Variants in NTM observed in about 807,000 individuals in gnomAD.
NTM encodes IgLON family member 2.
Under a neutral mutation model 42.1 loss-of-function variants are expected in NTM, and 13 were observed. The observed-to-expected ratio is 0.31, with a 90% CI of 0.20 to 0.49. The LOEUF (loss-of-function observed/expected upper bound fraction) is 0.49. Among genes scored for constraint, NTM ranks in the 20% least tolerant of loss-of-function variants. The pLI is 0.99. For synonymous variants in NTM, 187 were observed against 179.2 expected, an observed-to-expected ratio of 1.04 and a Z score of -0.35; for missense variants, 373 against 452.8, an observed-to-expected ratio of 0.82 and a Z score of 1.60.
At chr11:132,313,714 C>T (rs897730235) in intron 6 of NTM, among the ~76,000 whole-genome samples, 2 of 152,108 alleles carry the variant, frequency 1.3e-5, no homozygotes, top group African/African-American at 2.4e-5. Context: ...TTCTCCTTAC[C>T]CTTTTATCTG....
At chr11:132,093,707 C>T (rs2060630802) in intron 2 of NTM, among the ~76,000 whole-genome samples, 1 of 152,202 alleles carries the variant, frequency 6.6e-6, no homozygotes. Flanking sequence ...GCACTGTTTA[C>T]TTGTCTATGT....
At chr11:131,720,349 A>C (rs982177777) in intron 1 of NTM, among the ~76,000 whole-genome samples, 1 of 152,184 alleles carries the variant, frequency 6.6e-6, no homozygotes, top group African/African-American at 2.4e-5. Flanking sequence ...TATGCTGCCT[A>C]GAGAATCTTT....
At chr11:131,571,265 C>T (rs76656691) in intron 1 of NTM, among the ~76,000 whole-genome samples, 4 of 152,110 alleles carry the variant, frequency 2.6e-5, no homozygotes, top group South Asian at 4.1e-4. Flanking sequence ...GTAGCTTGGC[C>T]GGAGCTGCTC....
At chr11:131,873,539 T>TGTGTATATATAC (rs2048027460) in intron 1 of NTM, among the ~76,000 whole-genome samples, 1 of 76,566 alleles carries the variant, frequency 1.3e-5, no homozygotes, top group African/African-American at 4.0e-5. Context: ...TGTGTGTGTG[T>TGTGTATATATAC]ATATATATAC....
At chr11:131,984,716 G>A (rs1409462325) in intron 2 of NTM, 1 of 152,104 alleles carries the variant, frequency 6.6e-6, no homozygotes, top group Non-Finnish European at 1.5e-5. Context: ...ACTGTCAAAA[G>A]TATCATAAGC....
Position 131,498,271 on chromosome 11 carries a change from C to T in NTM, c.82+127383C>T, listed in dbSNP as rs1364500318. Among the ~76,000 whole-genome samples, 12 of 152,284 alleles carry T rather than the reference C, an allele frequency of 7.9e-5. No individual in the cohort carries two copies. In the East Asian group the frequency reaches 2.1e-3, roughly 27 times the overall value. On this transcript the variant is annotated intron_variant, in intron 1 of 8. Transcript: ENST00000683400. ...ACTGGTAATGGGACTTCAGACAGAA[C>T]TGAGCTTTAGTTCCTGTATTCTGTA...
At chr11:132,076,958 A>G (rs1267805320) in intron 2 of NTM, among the ~76,000 whole-genome samples, 1 of 152,066 alleles carries the variant, frequency 6.6e-6, no homozygotes, top group Admixed American at 6.5e-5. Flanking sequence ...TTTAAACGGG[A>G]TTGTGTGAAC....
chr11:131,846,165 T>C (rs2044880116), intron 1 of NTM, among the ~76,000 whole-genome samples: 1 of 152,202 alleles, frequency 6.6e-6, no homozygotes, highest in Non-Finnish European at 1.5e-5. Context: ...GCGTCATTCC[T>C]GTTAATTAAA....
chr11:131,813,916 A>G (rs921206513), intron 1 of NTM, among the ~76,000 whole-genome samples: 5 of 152,134 alleles, frequency 3.3e-5, no homozygotes, highest in Non-Finnish European at 5.9e-5. Context: ...AACAGTGCCT[A>G]CTTCACAGAC....
chr11:132,012,149 G>A (rs995517949), intron 2 of NTM, among the ~76,000 whole-genome samples: 8 of 152,118 alleles, frequency 5.3e-5, no homozygotes, highest in Non-Finnish European at 7.4e-5. Context: ...CCTATGTGGT[G>A]GATAGGGTCG....
intron 1 of NTM, among the ~76,000 whole-genome samples, chr11:131,850,536 G>GA (rs1395098888): frequency 2.0e-5 from 3 of 152,142 alleles, no homozygotes; most frequent in Non-Finnish European, 2.9e-5. Context: ...TCCTTAAAAT[G>GA]AAAGTTTGAC....
intron 1 of NTM, among the ~76,000 whole-genome samples, chr11:131,775,328 CTACT>C (rs1313930567): frequency 1.3e-5 from 2 of 152,188 alleles, no homozygotes; most frequent in African/African-American, 2.4e-5. Context: ...CTAATAATAA[CTACT>C]TATTCACTTG....
chr11:132,246,596 A>C (rs2091202525), intron 4 of NTM, among the ~76,000 whole-genome samples: 3 of 152,174 alleles, frequency 2.0e-5, no homozygotes. Context: ...ATAATATTCA[A>C]ATAATTTTGT....
chr11:132,202,252 C>G (rs999962508), intron 3 of NTM, among the ~76,000 whole-genome samples: 8 of 152,160 alleles, frequency 5.3e-5, no homozygotes, highest in Non-Finnish European at 1.0e-4. Context: ...GGTGGGGAAT[C>G]ATGCCTTAGG....
chr11:131,570,015 G>A (rs73580272), intron 1 of NTM, among the ~76,000 whole-genome samples: 7,234 of 152,306 alleles, frequency 0.047, 547 homozygotes, highest in African/African-American at 0.16. Context: ...CCCACTCAGG[G>A]AAGCTCCTAG....
At chr11:131,456,972 G>A (rs1413755150) in intron 1 of NTM, among the ~76,000 whole-genome samples, 1 of 152,168 alleles carries the variant, frequency 6.6e-6, no homozygotes, top group East Asian at 1.9e-4. Flanking sequence ...CGGAGGTCCA[G>A]CATCATATAA....
At chr11:132,012,066 G>A (rs556257847) in intron 2 of NTM, among the ~76,000 whole-genome samples, 4 of 152,094 alleles carry the variant, frequency 2.6e-5, no homozygotes, top group Admixed American at 6.5e-5. Flanking sequence ...AGCTCCTTGA[G>A]GGCAGAAGCG....
intron 2 of NTM, among the ~76,000 whole-genome samples, chr11:132,023,816 G>A (rs2074765087): frequency 7.0e-6 from 1 of 142,562 alleles, no homozygotes; most frequent in African/African-American, 2.5e-5. Context: ...TGGTTTTGTT[G>A]TTGTTGTTGT....
chr11:131,739,761 A>G (rs1400417336), intron 1 of NTM, among the ~76,000 whole-genome samples: 1 of 152,244 alleles, frequency 6.6e-6, no homozygotes, highest in East Asian at 1.9e-4. Context: ...AGTGTCACAC[A>G]AAGTCCCAGA....
Sources: gnomAD v4.1 joint callset for allele counts (sites outside exome capture counted in the v4.1 genomes callset) on GRCh38, gnomAD v4.1.1 for gene constraint, MANE v1.5 for transcripts, NCBI Gene and HGNC (gene_info 2026-07-23, HGNC 2026-07-21) for gene names.